RTEL1: variants seen among roughly 807,000 people sequenced by gnomAD.
The protein encoded by RTEL1 is regulator of telomere elongation helicase 1, also known as regulator of telomere length.
Under a neutral mutation model 162.2 loss-of-function variants are expected in RTEL1, and 86 were observed. The ratio of observed to expected loss-of-function variants is 0.53; its 90% CI spans 0.45 to 0.63. The LOEUF (loss-of-function observed/expected upper bound fraction) is 0.63, where lower values mean the gene tolerates loss of function less well. RTEL1 is among the 30% of genes least tolerant of loss of function. The pLI is 0.00. For missense variants in RTEL1, 1,941 were observed against 1,750.2 expected (o/e 1.11, Z -1.95); for synonymous variants, 958 against 717.9 (o/e 1.33, Z -5.35).
intron 2 of RTEL1, 65 bp downstream of exon 2, chr20:63,659,569 T>C: frequency 8.1e-7 from 1 of 1,241,968 alleles, no homozygotes; most frequent in Non-Finnish European, 1.2e-6. Context: ...CGGGGTGTGC[T>C]TCCCTCTCCC....
At position 63,695,894 on chromosome 20, in the gene RTEL1, T is replaced by A. The variant is rs2090968676; in HGVS notation, c.*36T>A. The A allele has an allele frequency of 1.3e-6, 2 of 1,543,566 alleles. No homozygotes were observed. Among genetic ancestry groups the A allele is most frequent in the Non-Finnish European group, 1.8e-6 (2 of 1,141,888 alleles). ...AGGCCCCCAGCACACCCAACGTGGC[T>A]TGATCACCTGCCTGTCCAGCTCTGG... is the stretch of plus-strand genomic sequence containing the variant. On this transcript the variant is annotated 3_prime_UTR_variant, in exon 35 of 35. Coordinates refer to ENST00000360203, the MANE Select transcript of RTEL1 (RefSeq NM_001283009.2).
intron 21 of RTEL1, 60 bp from the exon 22 acceptor site, chr20:63,688,995 A>C: frequency 8.3e-6 from 12 of 1,445,294 alleles, no homozygotes; most frequent in Non-Finnish European, 1.1e-5. Context: ...GGTCTCCCTC[A>C]TGGGGGAGGA....
intron 11 of RTEL1, 35 bp downstream of exon 11, chr20:63,678,218 G>GT: frequency 6.2e-7 from 1 of 1,613,514 alleles, no homozygotes; most frequent in Non-Finnish European, 8.5e-7. Context: ...TTGCAGCTGG[G>GT]TGGGGCCTCC....
At chr20:63,694,322 A>G (rs991361178) in intron 30 of RTEL1, 50 bp from the exon 31 acceptor site, 15 of 738,670 alleles carry the variant, frequency 2.0e-5, no homozygotes, top group Non-Finnish European at 3.5e-5. Context: ...ACCCCAGGGA[A>G]CTTTCCAGAT....
At chr20:63,679,462 GA>G (rs1351945384) in intron 12 of RTEL1, among the ~76,000 whole-genome samples, 1 of 147,732 alleles carries the variant, frequency 6.8e-6, no homozygotes, top group Non-Finnish European at 1.5e-5. Context: ...ACCTCTTGAC[GA>G]CCCCCTAGTG....
In RTEL1 at chr20:63,693,394, T is replaced by G. The variant is rs542413238; in HGVS notation, c.2992+111T>G. The G allele has an allele frequency of 8.2e-6, 11 of 1,348,914 alleles. No homozygotes were observed. In the South Asian group the frequency reaches 1.0e-4, roughly 12 times the overall value. The allele number at this position is 1,348,914 out of a possible 1,614,324, so 83.6% of individuals were successfully genotyped here. A position where few individuals can be genotyped will look rare whatever the true frequency, so the allele number is the denominator to read the frequency against. On this transcript the variant is annotated intron_variant, in intron 30 of 34. Coordinates refer to ENST00000360203, the MANE Select transcript of RTEL1 (RefSeq NM_001283009.2). ...CTCGGGCCCTGCTTGGCCCCGCCTC[T>G]CTGTTCCCCTATGGGAGTGATGGGG...
At chr20:63,688,990 C>T in intron 21 of RTEL1, 65 bp from the exon 22 acceptor site, 2 of 1,404,228 alleles carry the variant, frequency 1.4e-6, no homozygotes, top group Non-Finnish European at 2.0e-6. Context: ...ACCTGGGTCT[C>T]CCTCATGGGG....
At chr20:63,678,623 C>CCCACGAACAGCACACACACTG (rs2090410052) in intron 12 of RTEL1, among the ~76,000 whole-genome samples, 1 of 148,350 alleles carries the variant, frequency 6.7e-6, no homozygotes, top group African/African-American at 2.5e-5. Flanking sequence ...CACACACACT[C>CCCACGAACAGCACACACACTG]CCACGAACAG....
Position 63,661,269 on chromosome 20 carries a change from C to A in RTEL1, c.103-29C>A, listed in dbSNP as rs41310191. 1.9e-6 allele frequency: 3 copies of A among 1,604,592 alleles called. No individual in the cohort carries two copies. Among genetic ancestry groups the A allele is most frequent in the Non-Finnish European group, 2.6e-6 (3 of 1,174,742 alleles). The stretch of plus-strand genomic sequence containing the variant: ...GTGGCCTCGCCTCTTCCTGGCTTCC[C>A]CGTAACCCTTGCTCCGAACTCCGTT... On this transcript the variant is annotated intron_variant, in intron 2 of 34. Coordinates refer to ENST00000360203, the MANE Select transcript of RTEL1 (RefSeq NM_001283009.2). The surrounding 1 kb of genome is among the most constrained non-coding windows in gnomAD (Gnocchi z 5.1).
intron 15 of RTEL1, 53 bp downstream of exon 15, chr20:63,685,650 G>A: frequency 6.3e-7 from 1 of 1,594,238 alleles, no homozygotes; most frequent in Non-Finnish European, 8.5e-7. Flanking sequence ...TCCCCGGCAG[G>A]GCTGGGGGCC....
intron 6 of RTEL1, among the ~76,000 whole-genome samples, chr20:63,664,325 C>T (rs2090080864): frequency 6.6e-6 from 1 of 152,210 alleles, no homozygotes; most frequent in South Asian, 2.1e-4. Flanking sequence ...CAGCGGGGGT[C>T]CTTGGGATAG....
rs745535053 is a variant in RTEL1, at chr20:63,690,301, C to T, written c.2273C>T (p.Ala758Val). 2.6e-5 allele frequency: 42 copies of T among 1,605,686 alleles called. No homozygotes were observed. The highest frequency in any genetic ancestry group is 9.3e-5 in the African/African-American group (7 of 74,892). The change falls in exon 26 of 35, where the codon GCG becomes GTG. Residue 758 changes from alanine to valine, a missense_variant. Ala to Val is a moderately conservative substitution (Grantham distance 64). Transcript: ENST00000360203. ...FFRVAERTMP[A>V]PAPRATAPSV... ...ACCCCCATGGTTCTGCAGATGCCAG[C>T]GCCGGCCCCCCGGGCTACAGCACCC...
At chr20:63,692,395 CTG>C (rs1200456756) in intron 28 of RTEL1, 1 of 273,822 alleles carries the variant, frequency 3.7e-6, no homozygotes, top group African/African-American at 2.2e-5. Context: ...CCGTGTTGGT[CTG>C]GGGTGTGTAG....
In RTEL1 at chr20:63,689,495, C is replaced by A; in HGVS notation, c.1879-7C>A. 2 of 1,581,206 alleles carry A rather than the reference C, an allele frequency of 1.3e-6. No individual in the cohort carries two copies. Among genetic ancestry groups the A allele is most frequent in the East Asian group, 2.3e-5 (1 of 44,148 alleles). ...GGCCCCAGGCAGCTCCCTGGTGTGT[C>A]CCCTAGGCCAGCGAGGGGCTGGACT... is the stretch of plus-strand genomic sequence containing the variant. On this transcript the variant is annotated splice_polypyrimidine_tract_variant and splice_region_variant and intron_variant, in intron 22 of 34. Coordinates refer to ENST00000360203, the MANE Select transcript of RTEL1 (RefSeq NM_001283009.2).
rs774921842 is a variant in RTEL1, at chr20:63,695,161, G to C, written c.3439G>C (p.Gly1147Arg). ...GCCCTACCCGGGCATGGAGCCACCG[G>C]GACCCCAGGAGGAGAGGCTTGCCGT... The part of the protein sequence containing the change: ...GRPYPGMEPP[G>R]PQEERLAVPP... The change falls in exon 33 of 35, where the codon GGA becomes CGA. Residue 1147 changes from glycine (G) to arginine (R), a missense_variant. Coordinates refer to ENST00000360203, the MANE Select transcript of RTEL1 (RefSeq NM_001283009.2). 1 of 1,612,298 alleles carries C rather than the reference G, an allele frequency of 6.2e-7. No homozygotes were observed. Among genetic ancestry groups the C allele is most frequent in the Non-Finnish European group, 8.5e-7 (1 of 1,179,850 alleles).
In RTEL1 at chr20:63,695,769, G is replaced by A. The variant is rs781387957; in HGVS notation, c.3823-9G>A. 3 of 1,589,634 alleles carry A rather than the reference G, an allele frequency of 1.9e-6. No individual in the cohort carries two copies. Among genetic ancestry groups the A allele is most frequent in the South Asian group, 1.1e-5 (1 of 88,410 alleles). ...GGCAGACGTGTGCAGTGGGCCGGTT[G>A]TCTCACAGGCCTCTAGGATGTGCCC... On this transcript the variant is annotated splice_polypyrimidine_tract_variant and intron_variant, in intron 34 of 34. Transcript: ENST00000360203.
intron 30 of RTEL1, 119 bp downstream of exon 30, chr20:63,693,402 C>T: frequency 7.9e-7 from 1 of 1,257,978 alleles, no homozygotes; most frequent in Middle Eastern, 2.8e-4. Context: ...TCTCTGTTCC[C>T]CTATGGGAGT....
In RTEL1 at chr20:63,690,306, G is replaced by A; in HGVS notation, c.2278G>A (p.Ala760Thr). ...CATGGTTCTGCAGATGCCAGCGCCGGCCCCCCGGGCTACAGCACCCAGTGT... is the reference window on the plus strand; with the variant it reads ...CATGGTTCTGCAGATGCCAGCGCCGACCCCCCGGGCTACAGCACCCAGTGT... ...RVAERTMPAP[A>T]PRATAPSVRG... Residue 760 changes from alanine (A) to threonine (T), a missense_variant, in exon 26 of 35, where the codon GCC becomes ACC. Physicochemically the swap from Ala to Thr is moderately conservative, Grantham distance 58. Coordinates refer to ENST00000360203, the MANE Select transcript of RTEL1 (RefSeq NM_001283009.2). The A allele has an allele frequency of 6.2e-7, 1 of 1,605,276 alleles. No individual in the cohort carries two copies. The highest frequency in any genetic ancestry group is 8.5e-7 in the Non-Finnish European group (1 of 1,174,614).
At chr20:63,688,470 C>A (rs2090646483) in intron 20 of RTEL1, 58 bp from the exon 21 acceptor site, 1 of 1,606,322 alleles carries the variant, frequency 6.2e-7, no homozygotes, top group Admixed American at 1.7e-5. Context: ...TCCTGCTTGC[C>A]CTCATCGGAT....
Sources: allele counts gnomAD v4.1 joint callset (sites outside exome capture counted in the v4.1 genomes callset), GRCh38; gene constraint gnomAD v4.1.1; non-coding constraint Gnocchi (gnomAD v3.1); transcripts MANE v1.5; gene names NCBI Gene and HGNC (gene_info 2026-07-23, HGNC 2026-07-21).